Variants in PDE11A observed in about 807,000 individuals in gnomAD.
PDE11A encodes the protein phosphodiesterase 11A, also known as dual 3',5'-cyclic-AMP and -GMP phosphodiesterase 11A.
A neutral mutation model predicts 100.5 loss-of-function variants in PDE11A; 100 were observed. The observed-to-expected ratio is 1.00, with a 90% CI of 0.85 to 1.18. The LOEUF is 1.18. PDE11A is among the 50% of genes most tolerant of loss of function. The pLI, the probability that PDE11A is intolerant of heterozygous loss-of-function variation, is 0.00. For missense variants in PDE11A, 1,141 were observed against 1,152.6 expected, an observed-to-expected ratio of 0.99 and a Z score of 0.15; for synonymous variants, 381 against 420.8, an observed-to-expected ratio of 0.91 and a Z score of 1.16.
upstream of PDE11A, among the ~76,000 whole-genome samples, chr2:178,073,542 T>C (rs772606747): frequency 6.6e-6 from 1 of 152,154 alleles, no homozygotes; most frequent in Non-Finnish European, 1.5e-5. Flanking sequence ...CCTGGTAATT[T>C]GGAGCTGCTG....
intron 1 of PDE11A, among the ~76,000 whole-genome samples, chr2:178,068,085 C>T (rs375615758): frequency 8.5e-5 from 13 of 152,190 alleles, no homozygotes; most frequent in African/African-American, 2.6e-4. Flanking sequence ...TCAGAGAACA[C>T]CTGTTACTTG....
Position 177,758,394 on chromosome 2 carries a change from CTA to C in PDE11A, c.1788+10927_1788+10928del, listed in dbSNP as rs559548990. Among the ~76,000 whole-genome samples, 322 of 151,488 alleles carry C rather than the reference CTA, an allele frequency of 2.1e-3. 1 individual carries two copies. Among genetic ancestry groups the C allele is most frequent in the Middle Eastern group, 0.01 (3 of 292 alleles). On this transcript the variant is annotated intron_variant, in intron 10 of 19. Coordinates refer to ENST00000286063, the MANE Select transcript of PDE11A (RefSeq NM_016953.4). ...ATCCTGCACAGATGTTGTGTATTGA[CTA>C]TAGATGTTCTGATATCTGGCTAAGG...
intron 1 of PDE11A, among the ~76,000 whole-genome samples, chr2:178,033,215 G>A (rs1467440343): frequency 1.3e-5 from 2 of 152,118 alleles, no homozygotes; most frequent in Non-Finnish European, 2.9e-5. Flanking sequence ...ATGACCTATT[G>A]GAGCTGAAAA....
At chr2:177,773,822 G>C (rs1261406316) in intron 9 of PDE11A, among the ~76,000 whole-genome samples, 1 of 152,182 alleles carries the variant, frequency 6.6e-6, no homozygotes, top group African/African-American at 2.4e-5. Context: ...TGTTCTGAAG[G>C]ACTGGGCCCT....
At chr2:178,004,317 C>A (rs1436947851) in intron 2 of PDE11A, among the ~76,000 whole-genome samples, 1 of 152,012 alleles carries the variant, frequency 6.6e-6, no homozygotes, top group Non-Finnish European at 1.5e-5. Flanking sequence ...ATACCCAATT[C>A]AAAGATAGAC....
rs189390550 is a variant in PDE11A, at chr2:177,805,258, G to A, written c.1737+11571C>T. 5.9e-5 allele frequency among the ~76,000 whole-genome samples: 9 copies of A among 152,066 alleles called. No homozygotes were observed. In the East Asian group the frequency reaches 9.7e-4, roughly 16 times the overall value. ...GTAGAGGTTATGTCCCCTCTCAGAT[G>A]CTCTTATGGCATCCTGTATTTTCTC... is the stretch of plus-strand genomic sequence containing the variant. On this transcript the variant is annotated intron_variant, in intron 9 of 19. Coordinates refer to ENST00000286063, the MANE Select transcript of PDE11A (RefSeq NM_016953.4).
intron 2 of PDE11A, among the ~76,000 whole-genome samples, chr2:177,935,300 T>C (rs991665967): frequency 2.0e-5 from 3 of 152,128 alleles, no homozygotes; most frequent in African/African-American, 7.2e-5. Flanking sequence ...CCACCACTTC[T>C]CAGACTGCGA....
chr2:178,058,156 C>G (rs1456747254), intron 1 of PDE11A, among the ~76,000 whole-genome samples: 1 of 152,180 alleles, frequency 6.6e-6, no homozygotes, highest in Non-Finnish European at 1.5e-5. Context: ...GCGCCTGGCC[C>G]CTAGCTCAGC....
At chr2:178,058,213 G>A (rs1449473023) in intron 1 of PDE11A, among the ~76,000 whole-genome samples, 1 of 152,156 alleles carries the variant, frequency 6.6e-6, no homozygotes, top group African/African-American at 2.4e-5. Flanking sequence ...GTAACCCAGT[G>A]CTGGTATTTA....
rs550027381 is a variant in PDE11A, at chr2:178,016,006, C to T, written c.913-1546G>A. The stretch of plus-strand genomic sequence containing the variant: ...TGCTATGCTATTCTCGCTCTGTCAC[C>T]CAGGCTGGAATGCAGTCATTTGATC... On this transcript the variant is annotated intron_variant, in intron 1 of 19. Transcript: ENST00000286063. 4.9e-4 allele frequency among the ~76,000 whole-genome samples: 75 copies of T among 152,198 alleles called. 2 individuals carry two copies. Among genetic ancestry groups the T allele is most frequent in the Middle Eastern group, 3.4e-3 (1 of 294 alleles).
intron 2 of PDE11A, among the ~76,000 whole-genome samples, chr2:177,995,650 A>C (rs2366354): frequency 0.85 from 127,134 of 150,260 alleles, 54,069 homozygotes; most frequent in East Asian, 0.99. Context: ...AACACCACCC[A>C]CCCCGCATCT....
rs565993473 is a variant in PDE11A, at chr2:178,087,536, A to C, written c.162+16766T>G. ...AAAGTAGGAGCTAAATAATGTATTC[A>C]CATGGGCATAGACTGTGAAATGACA... is the stretch of plus-strand genomic sequence containing the variant. On this transcript the variant is annotated intron_variant, in intron 2 of 20. Transcript: ENST00000358450. 1.2e-4 allele frequency among the ~76,000 whole-genome samples: 18 copies of C among 152,308 alleles called. No homozygotes were observed. In the South Asian group the frequency reaches 3.7e-3, roughly 32 times the overall value.
intron 2 of PDE11A, among the ~76,000 whole-genome samples, chr2:177,921,319 A>G (rs143538992): frequency 6.6e-6 from 1 of 151,980 alleles, no homozygotes; most frequent in Non-Finnish European, 1.5e-5. Flanking sequence ...GCATATTGAT[A>G]CAAATGAGCT....
At chr2:177,632,038 AT>A (rs1171865005) in intron 19 of PDE11A, among the ~76,000 whole-genome samples, 1 of 152,122 alleles carries the variant, frequency 6.6e-6, no homozygotes, top group Admixed American at 6.5e-5. Context: ...TAATCTTTCC[AT>A]TTGTTTTGGA....
chr2:177,691,400 T>A (rs552336711), intron 15 of PDE11A, among the ~76,000 whole-genome samples: 8 of 152,298 alleles, frequency 5.3e-5, no homozygotes, highest in Non-Finnish European at 1.2e-4. Flanking sequence ...GGGCCTGGCA[T>A]TAGCTGAATT....
chr2:178,088,290 TGAG>T (rs1243377850), intron 2 of PDE11A, among the ~76,000 whole-genome samples: 1 of 152,216 alleles, frequency 6.6e-6, no homozygotes, highest in African/African-American at 2.4e-5. Flanking sequence ...AAGAATGTGA[TGAG>T]GAGGAAGAAT....
In PDE11A at chr2:177,884,479, A is replaced by C. The variant is rs181593321; in HGVS notation, c.1303-8556T>G. On this transcript the variant is annotated intron_variant, in intron 4 of 19. Coordinates refer to ENST00000286063, the MANE Select transcript of PDE11A (RefSeq NM_016953.4). ...GTCTTTCACTGGGACTATTTGCACAAAGATATGCATCTTTTGTGTTAATAG... is the reference window on the plus strand; with the variant it reads ...GTCTTTCACTGGGACTATTTGCACACAGATATGCATCTTTTGTGTTAATAG... 1.7e-3 allele frequency among the ~76,000 whole-genome samples: 254 copies of C among 152,342 alleles called. 2 individuals carry two copies. Among genetic ancestry groups the C allele is most frequent in the Non-Finnish European group, 1.5e-3 (105 of 68,026 alleles).
intron 9 of PDE11A, among the ~76,000 whole-genome samples, chr2:177,790,798 A>C (rs2082618680): frequency 6.6e-6 from 1 of 152,262 alleles, no homozygotes; most frequent in Non-Finnish European, 1.5e-5. Flanking sequence ...GCTCATCATC[A>C]CTGGCCATCA....
chr2:178,090,412 A>G (rs2087408653), intron 2 of PDE11A, among the ~76,000 whole-genome samples: 1 of 152,194 alleles, frequency 6.6e-6, no homozygotes, highest in African/African-American at 2.4e-5. Context: ...CACTGAACAC[A>G]TTATTTTTAA....
Sources: allele counts gnomAD v4.1 joint callset (sites outside exome capture counted in the v4.1 genomes callset), GRCh38; gene constraint gnomAD v4.1.1; transcripts MANE v1.5; gene names NCBI Gene and HGNC (gene_info 2026-07-23, HGNC 2026-07-21).